SMG1: variants seen among roughly 807,000 people sequenced by gnomAD.
SMG1 encodes the protein serine/threonine-protein kinase SMG1.
SMG1 carries 22 observed loss-of-function variants against 419.9 expected under a neutral mutation model. The ratio of observed to expected loss-of-function variants is 0.05; its 90% CI spans 0.04 to 0.07. The LOEUF is 0.07. Ranked by LOEUF, SMG1 falls within the 10% of genes least tolerant of loss-of-function variation. The probability of loss-of-function intolerance (pLI) is 1.00; values close to 1 mark genes in which losing one functional copy is unlikely to be tolerated. For synonymous variants in SMG1, 1,538 were observed against 1,553.5 expected, an observed-to-expected ratio of 0.99 and a Z score of 0.23; for missense variants, 3,185 against 4,342.0, an observed-to-expected ratio of 0.73 and a Z score of 7.49.
chr16:18,867,241 C>G (rs2035561539), intron 22 of SMG1, among the ~76,000 whole-genome samples: 1 of 152,136 alleles, frequency 6.6e-6, no homozygotes, highest in South Asian at 2.1e-4. Context: ...GTTATAAAAA[C>G]AATTTCTCCT....
chr16:18,882,092 G>A, intron 10 of SMG1, 73 bp downstream of exon 10: 4 of 1,035,190 alleles, frequency 3.9e-6, no homozygotes, highest in Non-Finnish European at 5.4e-6. Context: ...CAGTTCACCA[G>A]GTAAAGAGAA....
At chr16:18,924,943 CATT>C (rs537014093) in intron 1 of SMG1, 10 of 148,590 alleles carry the variant, frequency 6.7e-5, no homozygotes, top group African/African-American at 2.5e-4. Context: ...GCGCGTTCTA[CATT>C]ATTTGGCCAG....
chr16:18,816,154 C>T lies in SMG1; in HGVS notation c.10302+148G>A, dbSNP rs1254855122. On this transcript the variant is annotated intron_variant, in intron 58 of 62. Coordinates refer to ENST00000446231, the MANE Select transcript of SMG1 (RefSeq NM_015092.5). The stretch of plus-strand genomic sequence containing the variant: ...GGCTTTAAAAAATAGTTGATGAAAA[C>T]ACAAGTTAACTCAGTTACAAACAAA... 4 of 669,764 alleles carry T rather than the reference C, an allele frequency of 6.0e-6. No individual in the cohort carries two copies. In the Admixed American group the frequency reaches 1.2e-4, roughly 21 times the overall value. The allele number at this position is 669,764 out of a possible 1,614,324, so 41.5% of individuals were successfully genotyped here.
chr16:18,811,988 A>G lies in SMG1; in HGVS notation c.10761T>C (p.Cys3587=), dbSNP rs756885553. 1.6e-5 allele frequency: 26 copies of G among 1,613,826 alleles called. No homozygotes were observed. The highest frequency in any genetic ancestry group is 2.0e-5 in the Non-Finnish European group (24 of 1,179,870). The part of the protein sequence containing the change: ...TVPGTGKSVA[C]SPKKAVRDPK... The stretch of plus-strand genomic sequence containing the variant: ...GGTCTCTGACTGCCTTTTTAGGACT[A>G]CAAGCAACACTCTTGCCAGTTCCTG... The change falls in exon 61 of 63, where the codon TGT becomes TGC. Residue 3587 remains cysteine, a synonymous_variant. Coordinates refer to ENST00000446231, the MANE Select transcript of SMG1 (RefSeq NM_015092.5).
chr16:18,848,081 G>A, intron 36 of SMG1, 48 bp from the exon 37 acceptor site: 1 of 1,484,378 alleles, frequency 6.7e-7, no homozygotes, highest in Non-Finnish European at 9.4e-7. Context: ...TTTCTCCCAT[G>A]TGCATATGCT....
chr16:18,900,056 T>G, intron 1 of SMG1: 1 of 1,447,474 alleles, frequency 6.9e-7, no homozygotes, highest in Non-Finnish European at 9.4e-7. Context: ...TGTAAGACAG[T>G]AGTTACAATA....
At chr16:18,827,842 T>C (rs2032851211) in intron 55 of SMG1, among the ~76,000 whole-genome samples, 189 bp downstream of exon 55, 1 of 107,840 alleles carries the variant, frequency 9.3e-6, no homozygotes, top group Non-Finnish European at 2.0e-5. Context: ...TATATATCTT[T>C]GGTATATATA....
intron 25 of SMG1, 125 bp downstream of exon 25, chr16:18,863,525 G>C: frequency 1.2e-6 from 1 of 840,554 alleles, no homozygotes; most frequent in Non-Finnish European, 1.9e-6. Flanking sequence ...TTTCATAATG[G>C]CAGTAAGTTA....
intron 60 of SMG1, among the ~76,000 whole-genome samples, chr16:18,813,999 C>T (rs1253702292): frequency 7.3e-6 from 1 of 137,692 alleles, no homozygotes; most frequent in African/African-American, 2.7e-5. Flanking sequence ...CCACTGCACT[C>T]CAGCCTGGGC....
intron 60 of SMG1, among the ~76,000 whole-genome samples, chr16:18,812,929 T>C (rs2031610742): frequency 6.6e-6 from 1 of 152,136 alleles, no homozygotes; most frequent in African/African-American, 2.4e-5. Flanking sequence ...GTTTGGTTTT[T>C]TGTCCCTGCG....
intron 1 of SMG1, among the ~76,000 whole-genome samples, chr16:18,908,454 G>A (rs1246516181): frequency 6.0e-5 from 8 of 134,166 alleles, no homozygotes; most frequent in African/African-American, 3.0e-5. Flanking sequence ...TCCAGCCTAG[G>A]TAACAGAGCG....
At position 18,925,987 on chromosome 16, in the gene SMG1, TGCCGCC is replaced by T. The variant is rs550064983; in HGVS notation, c.49_54del (p.Gly17_Gly18del). 76 of 1,574,854 alleles carry T rather than the reference TGCCGCC, an allele frequency of 4.8e-5. No individual in the cohort carries two copies. The African/African-American group carries it at 6.2e-4, about 13-fold the overall frequency. On this transcript the variant is annotated inframe_deletion, in exon 1 of 63. Transcript: ENST00000446231. ...TCATTCCAGCTCCGCGGATACTTGG[TGCCGCC>T]GCCGCCGCCGCCGCTGCTCAGCCGA...
At chr16:18,911,063 T>C (rs2037774057) in intron 1 of SMG1, among the ~76,000 whole-genome samples, 1 of 152,216 alleles carries the variant, frequency 6.6e-6, no homozygotes, top group South Asian at 2.1e-4. Context: ...GATTAGATTA[T>C]GTTTGCTGGC....
chr16:18,863,288 A>T (rs1260542088), intron 25 of SMG1, among the ~76,000 whole-genome samples: 2 of 152,248 alleles, frequency 1.3e-5, no homozygotes, highest in Admixed American at 1.3e-4. Flanking sequence ...CATTAGAATA[A>T]ATGTTTTTGA....
At chr16:18,818,645 A>G (rs1319605484) in intron 56 of SMG1, among the ~76,000 whole-genome samples, 1 of 152,164 alleles carries the variant, frequency 6.6e-6, no homozygotes, top group Non-Finnish European at 1.5e-5. Flanking sequence ...ATTAGGGAGT[A>G]TGGGTGAAAT....
chr16:18,912,574 A>C (rs1181661313), intron 1 of SMG1, among the ~76,000 whole-genome samples: 1 of 152,084 alleles, frequency 6.6e-6, no homozygotes, highest in African/African-American at 2.4e-5. Context: ...TGTAGAGAGC[A>C]CTACCATCAT....
chr16:18,914,331 T>C (rs2037893642), intron 1 of SMG1, among the ~76,000 whole-genome samples: 2 of 152,236 alleles, frequency 1.3e-5, no homozygotes, highest in Middle Eastern at 3.4e-3. Flanking sequence ...ATTCCTTTTT[T>C]GAAAAGGTCC....
Position 18,815,292 on chromosome 16 carries a change from A to G in SMG1, c.10515-11T>C, listed in dbSNP as rs762721358. 4 of 1,557,224 alleles carry G rather than the reference A, an allele frequency of 2.6e-6. No individual in the cohort carries two copies. In the Admixed American group the frequency reaches 5.6e-5, roughly 22 times the overall value. ...AAATTATTATAGATACTGAAATACAAAATAAAATGGCTTATTTACGAAATG... is the reference window on the plus strand; with the variant it reads ...AAATTATTATAGATACTGAAATACAGAATAAAATGGCTTATTTACGAAATG... On this transcript the variant is annotated splice_polypyrimidine_tract_variant and intron_variant, in intron 59 of 62. Coordinates refer to ENST00000446231, the MANE Select transcript of SMG1 (RefSeq NM_015092.5).
intron 1 of SMG1, among the ~76,000 whole-genome samples, chr16:18,904,866 C>T (rs1338890480): frequency 4.0e-5 from 6 of 151,842 alleles, no homozygotes; most frequent in African/African-American, 1.5e-4. Context: ...ATCCGGGAGG[C>T]GGAGGCTGCA....
Sources: allele counts gnomAD v4.1 joint callset (sites outside exome capture counted in the v4.1 genomes callset), GRCh38; gene constraint gnomAD v4.1.1; transcripts MANE v1.5; gene names NCBI Gene and HGNC (gene_info 2026-07-23, HGNC 2026-07-21).